Variants in TRPM7 observed in about 807,000 individuals in gnomAD.
TRPM7 encodes the protein LTRPC ion channel family member 7.
Under a neutral mutation model 229.7 loss-of-function variants are expected in TRPM7, and 134 were observed. The ratio of observed to expected loss-of-function variants is 0.58; its 90% CI spans 0.51 to 0.67. The LOEUF (loss-of-function observed/expected upper bound fraction) is 0.67, where lower values mean the gene tolerates loss of function less well. TRPM7 is among the 30% of genes least tolerant of loss of function. The pLI, the probability that TRPM7 is intolerant of heterozygous loss-of-function variation, is 0.00. For missense variants in TRPM7, 1,901 were observed against 2,210.0 expected (o/e 0.86, Z 2.80); for synonymous variants, 699 against 715.2 (o/e 0.98, Z 0.36).
At chr15:50,660,974 A>G (rs2061706889) in intron 2 of TRPM7, among the ~76,000 whole-genome samples, 1 of 150,266 alleles carries the variant, frequency 6.7e-6, no homozygotes, top group African/African-American at 2.5e-5. Flanking sequence ...ATTAACTACC[A>G]TTCCTTTTTT....
At chr15:50,568,309 C>T (rs2053709409) in intron 38 of TRPM7, among the ~76,000 whole-genome samples, 2 of 147,352 alleles carry the variant, frequency 1.4e-5, no homozygotes, top group Admixed American at 1.4e-4. Flanking sequence ...CTTGCCAGTG[C>T]AAAAAGTCAA....
In TRPM7 at chr15:50,632,945, T is replaced by G; in HGVS notation, c.1055A>C (p.Lys352Thr). 2 of 1,606,812 alleles carry G rather than the reference T, an allele frequency of 1.2e-6. No homozygotes were observed. Among genetic ancestry groups the G allele is most frequent in the Non-Finnish European group, 1.7e-6 (2 of 1,177,570 alleles). The change falls in exon 9 of 39, where the codon AAA becomes ACA. Residue 352 changes from lysine (K) to threonine (T), a missense_variant. Coordinates refer to ENST00000646667, the MANE Select transcript of TRPM7 (RefSeq NM_017672.6). ...AEPDIISTIK[K>T]TFNFGQNEAL... is the part of the protein sequence containing the mutation. Reference sequence around the variant, plus strand: ...TTCATTCTGGCCAAAGTTAAATGTTTTTTTGATAGTGGAAATAATATCGGG... The same window carrying G: ...TTCATTCTGGCCAAAGTTAAATGTTGTTTTGATAGTGGAAATAATATCGGG...
At chr15:50,646,895 C>T (rs974974847) in intron 4 of TRPM7, among the ~76,000 whole-genome samples, 1 of 152,116 alleles carries the variant, frequency 6.6e-6, no homozygotes, top group African/African-American at 2.4e-5. Context: ...GTTACACCTG[C>T]CTACCATATT....
intron 38 of TRPM7, among the ~76,000 whole-genome samples, chr15:50,566,098 T>C (rs1171418196): frequency 1.3e-5 from 2 of 152,078 alleles, no homozygotes; most frequent in African/African-American, 2.4e-5. Flanking sequence ...GTGCTGGGAT[T>C]ACAGGTGTGA....
rs774680301 is a variant in TRPM7 at position 50,589,617 on chromosome 15, G to A, written c.4364C>T (p.Thr1455Ile). ...DSMDLQRFKE[T>I]SNKIKILSNN... Reference sequence around the variant, plus strand: ...GGATAGTATTTTTATCTTGTTTGATGTTTCTTTAAACCTCTGTAAATCCAT... The same window carrying A: ...GGATAGTATTTTTATCTTGTTTGATATTTCTTTAAACCTCTGTAAATCCAT... The change falls in exon 27 of 39, where the codon ACA (threonine) becomes ATA (isoleucine). Residue 1455 changes from threonine to isoleucine, a missense_variant. Thr to Ile is a moderately conservative substitution (Grantham distance 89, BLOSUM62 -1). Around this residue, in one of 8 missense-constraint regions of TRPM7, gnomAD observed 533 missense variants for 497.1 expected, o/e 1.07. Transcript: ENST00000646667. 2.5e-5 allele frequency: 40 copies of A among 1,590,162 alleles called. No homozygotes were observed. The highest frequency in any genetic ancestry group is 6.8e-5 in the Admixed American group (4 of 58,466).
At chr15:50,576,452 G>T (rs1310830776) in intron 31 of TRPM7, among the ~76,000 whole-genome samples, 1 of 152,150 alleles carries the variant, frequency 6.6e-6, no homozygotes, top group East Asian at 1.9e-4. Flanking sequence ...CTACTGTCTT[G>T]CAGGAAAAGG....
At chr15:50,566,965 T>C (rs1051745646) in intron 38 of TRPM7, among the ~76,000 whole-genome samples, 3 of 151,882 alleles carry the variant, frequency 2.0e-5, no homozygotes, top group African/African-American at 7.3e-5. Context: ...AAAGGGGATT[T>C]GCCACAGACC....
intron 20 of TRPM7, among the ~76,000 whole-genome samples, chr15:50,606,877 T>C (rs370473256): frequency 2.0e-5 from 3 of 152,328 alleles, no homozygotes; most frequent in Admixed American, 6.5e-5. Context: ...TAAGTATATT[T>C]AATACTTTTT....
intron 19 of TRPM7, 34 bp from the exon 20 acceptor site, chr15:50,607,362 T>C (rs1368512969): frequency 1.4e-6 from 2 of 1,478,520 alleles, no homozygotes; most frequent in African/African-American, 1.4e-5. Context: ...TAAATAACAT[T>C]GGTTACAAAA....
intron 1 of TRPM7, among the ~76,000 whole-genome samples, chr15:50,679,532 ATATATATT>A (rs796759153): frequency 2.1e-4 from 7 of 33,382 alleles, no homozygotes; most frequent in Non-Finnish European, 3.3e-4. Flanking sequence ...ATATATATAT[ATATATATT>A]TTTTTTTTTT....
rs747334236 is a variant in TRPM7 at position 50,592,091 on chromosome 15, G to T, written c.4144C>A (p.Gln1382Lys). The T allele has an allele frequency of 5.5e-5, 89 of 1,609,820 alleles. No homozygotes were observed. Among genetic ancestry groups the T allele is most frequent in the Non-Finnish European group, 6.7e-5 (79 of 1,179,006 alleles). ...VELLKIFNKN[Q>K]KLGSSSTSIP... The stretch of plus-strand genomic sequence containing the variant: ...CTAGTAGATGAACTGCCTAATTTTT[G>T]ATTTTTATTAAATATTTTTAAGAGT... The change falls in exon 26 of 39, where the codon CAA becomes AAA. Residue 1382 changes from glutamine (Q) to lysine (K), a missense_variant. Physicochemically the swap from Gln to Lys is moderately conservative, Grantham distance 53 (BLOSUM62 1). Coordinates refer to ENST00000646667, the MANE Select transcript of TRPM7 (RefSeq NM_017672.6).
intron 4 of TRPM7, among the ~76,000 whole-genome samples, chr15:50,644,920 T>C (rs985466593): frequency 6.6e-6 from 1 of 152,078 alleles, no homozygotes; most frequent in African/African-American, 2.4e-5. Flanking sequence ...TTGTTTTTTT[T>C]AGACACGGTC....
chr15:50,643,461 A>G lies in TRPM7; in HGVS notation c.414T>C (p.Ser138=), dbSNP rs762985795. ...WQMELPKLVI[S]VHGGMQKFEL... ...CAAATTTCTGCATGCCCCCATGTAC[A>G]GAGATAACAAGTTTGGGTAACTCCA... Residue 138 remains serine (S), a synonymous_variant, in exon 5 of 39, where the codon TCT becomes TCC. Coordinates refer to ENST00000646667, the MANE Select transcript of TRPM7 (RefSeq NM_017672.6). The G allele has an allele frequency of 1.2e-6, 2 of 1,614,184 alleles. No homozygotes were observed. Among genetic ancestry groups the G allele is most frequent in the Non-Finnish European group, 1.7e-6 (2 of 1,180,030 alleles).
At chr15:50,649,495 G>A (rs933016144) in intron 3 of TRPM7, among the ~76,000 whole-genome samples, 2 of 151,384 alleles carry the variant, frequency 1.3e-5, no homozygotes, top group African/African-American at 4.8e-5. Flanking sequence ...AAAGAGAAGT[G>A]AATGAACCAC....
intron 1 of TRPM7, among the ~76,000 whole-genome samples, chr15:50,663,660 A>G (rs1212725328): frequency 6.6e-6 from 1 of 152,160 alleles, no homozygotes; most frequent in East Asian, 1.9e-4. Context: ...TTATTCTGGG[A>G]TATGAGCCAT....
chr15:50,677,983 T>C (rs955966218), intron 1 of TRPM7, among the ~76,000 whole-genome samples: 2 of 151,880 alleles, frequency 1.3e-5, no homozygotes, highest in Non-Finnish European at 2.9e-5. Context: ...CTCATGCCTA[T>C]AATCCCAGCA....
chr15:50,610,346 G>C (rs1244624548), intron 17 of TRPM7, among the ~76,000 whole-genome samples: 1 of 152,008 alleles, frequency 6.6e-6, no homozygotes, highest in African/African-American at 2.4e-5. Flanking sequence ...AAATCTCTTT[G>C]CAAGTGTTCC....
At chr15:50,607,813 A>G (rs1175649666) in intron 19 of TRPM7, among the ~76,000 whole-genome samples, 1 of 151,504 alleles carries the variant, frequency 6.6e-6, no homozygotes, top group Non-Finnish European at 1.5e-5. Flanking sequence ...TTGGGAAGCC[A>G]ATGCAGGCAG....
rs773754177 is a variant in TRPM7 at position 50,607,322 on chromosome 15, A to G, written c.2587T>C (p.Tyr863His). 1 of 1,567,650 alleles carries G rather than the reference A, an allele frequency of 6.4e-7. No individual in the cohort carries two copies. The highest frequency in any genetic ancestry group is 2.0e-5 in the Admixed American group (1 of 49,946). Residue 863 changes from tyrosine to histidine, a missense_variant, in exon 20 of 39, where the codon TAT (tyrosine) becomes CAT (histidine). Physicochemically the swap from Tyr to His is moderately conservative, Grantham distance 83. Around this residue, in one of 8 missense-constraint regions of TRPM7, gnomAD observed 207 missense variants for 241.5 expected, o/e 0.86. Transcript: ENST00000646667. ...GTATAAAGCATCAGAAATCCTAAATATGCCAACTAATGAAAAAGTAAAGGT... is the reference window on the plus strand; with the variant it reads ...GTATAAAGCATCAGAAATCCTAAATGTGCCAACTAATGAAAAAGTAAAGGT... ...IVKFWFNTLA[Y>H]LGFLMLYTFV...
Sources: allele counts gnomAD v4.1 joint callset (sites outside exome capture counted in the v4.1 genomes callset), GRCh38; gene constraint gnomAD v4.1.1; regional missense constraint gnomAD v4.1.1; transcripts MANE v1.5; gene names NCBI Gene and HGNC (gene_info 2026-07-23, HGNC 2026-07-21).